MAST3: variants seen among roughly 807,000 people sequenced by gnomAD.
MAST3 encodes the protein microtubule associated serine/threonine kinase 3, also known as microtubule-associated serine/threonine-protein kinase 3.
Under a neutral mutation model 127.0 loss-of-function variants are expected in MAST3, and 43 were observed. That is an observed-to-expected ratio of 0.34 (90% CI 0.27 to 0.44). The LOEUF is 0.44. Among genes scored for constraint, MAST3 ranks in the 20% least tolerant of loss-of-function variants. The probability of loss-of-function intolerance (pLI) is 1.00; values close to 1 mark genes in which losing one functional copy is unlikely to be tolerated. For synonymous variants in MAST3, 785 were observed against 809.2 expected, an observed-to-expected ratio of 0.97 and a Z score of 0.51; for missense variants, 1,390 against 1,919.1, an observed-to-expected ratio of 0.72 and a Z score of 5.15.
Position 18,133,294 on chromosome 19 carries a change from T to G in MAST3, c.1571+1247T>G, listed in dbSNP as rs1371856528. 2.0e-5 allele frequency among the ~76,000 whole-genome samples: 3 copies of G among 152,294 alleles called. No homozygotes were observed. The East Asian group carries it at 5.8e-4, about 29-fold the overall frequency. On this transcript the variant is annotated intron_variant, in intron 15 of 27. Transcript: ENST00000687212. ...CACATTTTCTTGGTTGGCATGTACT[T>G]GTTAGGCACCAGGTGTATACAAAAT... is the stretch of plus-strand genomic sequence containing the variant.
intron 3 of MAST3, among the ~76,000 whole-genome samples, chr19:18,116,063 C>T (rs1488297546): frequency 6.6e-6 from 1 of 150,442 alleles, no homozygotes; most frequent in African/African-American, 2.5e-5. Flanking sequence ...TTTCTCTTCC[C>T]TTCTCAGCCT....
At chr19:18,122,159 C>T (rs2040063992) in intron 5 of MAST3, 1 of 982,474 alleles carries the variant, frequency 1.0e-6, no homozygotes, top group African/African-American at 1.8e-5. Flanking sequence ...GGTGGGGGGT[C>T]ATGGGGGGAT....
chr19:18,121,226 G>A (rs1351469935), intron 3 of MAST3, among the ~76,000 whole-genome samples: 1 of 151,920 alleles, frequency 6.6e-6, no homozygotes, highest in Admixed American at 6.6e-5. Flanking sequence ...CACCATCATG[G>A]CTCACGGCAG....
chr19:18,108,794 T>C (rs772091751), intron 2 of MAST3, among the ~76,000 whole-genome samples: 9 of 152,084 alleles, frequency 5.9e-5, no homozygotes, highest in Non-Finnish European at 1.0e-4. Context: ...GGTCTGGAAG[T>C]GTGTGACTGT....
At chr19:18,136,892 C>T (rs1431481769) in intron 18 of MAST3, among the ~76,000 whole-genome samples, 1 of 151,604 alleles carries the variant, frequency 6.6e-6, no homozygotes, top group East Asian at 2.0e-4. Context: ...TATCTCAGCT[C>T]ACTGCTGCAA....
intron 3 of MAST3, among the ~76,000 whole-genome samples, chr19:18,113,058 C>A (rs1489052197): frequency 1.3e-5 from 2 of 152,072 alleles, no homozygotes. Context: ...AGGGAGGGAC[C>A]CGTGTGTTGG....
intron 15 of MAST3, 136 bp downstream of exon 15, chr19:18,132,183 T>G (rs1599811635): frequency 8.4e-7 from 1 of 1,194,908 alleles, no homozygotes; most frequent in East Asian, 2.5e-5. Context: ...GTCTGAGCTC[T>G]GTTGGTACCT....
chr19:18,130,748 C>G, intron 14 of MAST3, 46 bp downstream of exon 14: 15 of 1,574,080 alleles, frequency 9.5e-6, no homozygotes, highest in Non-Finnish European at 1.3e-5. Context: ...GGGAGCTCAC[C>G]CCTCCACGCC....
At chr19:18,103,613 C>T (rs560050202) in intron 1 of MAST3, among the ~76,000 whole-genome samples, 2 of 152,244 alleles carry the variant, frequency 1.3e-5, no homozygotes, top group Admixed American at 6.5e-5. Context: ...TTATTATTCA[C>T]GTCTTGATCA....
intron 15 of MAST3, among the ~76,000 whole-genome samples, chr19:18,133,728 A>G (rs942678612): frequency 2.0e-5 from 3 of 151,742 alleles, no homozygotes; most frequent in African/African-American, 7.3e-5. Flanking sequence ...TAATTTTTGT[A>G]TTTTTAGTAG....
intron 13 of MAST3, 182 bp downstream of exon 13, chr19:18,129,133 C>T: frequency 1.6e-6 from 1 of 616,522 alleles, no homozygotes; most frequent in South Asian, 1.9e-5. Flanking sequence ...AGGTTACAGC[C>T]TCATGTGTGC....
At chr19:18,134,732 G>C (rs759799347) in intron 16 of MAST3, 21 bp downstream of exon 16, 2 of 1,612,826 alleles carry the variant, frequency 1.2e-6, no homozygotes, top group African/African-American at 1.3e-5. Context: ...AGGTGGGTGG[G>C]CAGCCCCGGG....
chr19:18,107,538 C>T (rs1309945754), intron 1 of MAST3, 49 bp from the exon 2 acceptor site: 11 of 1,601,494 alleles, frequency 6.9e-6, no homozygotes, highest in Non-Finnish European at 9.4e-6. Flanking sequence ...GCCAGGGGTT[C>T]TGAGGGCTAG....
At chr19:18,123,536 T>G in intron 7 of MAST3, 44 bp from the exon 8 acceptor site, 2 of 1,489,838 alleles carry the variant, frequency 1.3e-6, no homozygotes, top group Non-Finnish European at 1.8e-6. Flanking sequence ...TCCCCTGGGG[T>G]TGGTCTCAGG....
At chr19:18,114,153 T>C (rs1224340765) in intron 3 of MAST3, among the ~76,000 whole-genome samples, 2 of 151,420 alleles carry the variant, frequency 1.3e-5, no homozygotes, top group Non-Finnish European at 2.9e-5. Flanking sequence ...GCATTATACC[T>C]GTCCATTTCC....
chr19:18,122,240 C>T (rs1401017374), intron 5 of MAST3: 2 of 571,168 alleles, frequency 3.5e-6, no homozygotes, highest in Non-Finnish European at 4.4e-6. Context: ...TGATTGAGCA[C>T]CTGTCATGTG....
chr19:18,127,348 G>A (rs1233284495), intron 11 of MAST3, among the ~76,000 whole-genome samples: 4 of 152,012 alleles, frequency 2.6e-5, no homozygotes, highest in Non-Finnish European at 5.9e-5. Flanking sequence ...AGGAGTTTGA[G>A]ACGAGCCTGG....
rs1335413865 is a variant in MAST3 at position 18,149,816 on chromosome 19, C to A, written c.*90C>A. The A allele has an allele frequency of 3.9e-6, 6 of 1,548,682 alleles. No homozygotes were observed. The highest frequency in any genetic ancestry group is 3.8e-5 in the Admixed American group (2 of 52,044). The stretch of plus-strand genomic sequence containing the variant: ...AAGTCATGCCTGGATGGGGACTGAG[C>A]CACCAGCCTGACACCCAGAAGGCGA... On this transcript the variant is annotated 3_prime_UTR_variant, in exon 28 of 28. Transcript: ENST00000687212. The surrounding 1 kb of genome is among the most constrained non-coding windows in gnomAD (Gnocchi z 5.9).
At chr19:18,105,553 G>C in intron 1 of MAST3, among the ~76,000 whole-genome samples, 1 of 122,826 alleles carries the variant, frequency 8.1e-6, no homozygotes, top group Admixed American at 8.6e-5. Context: ...AAAAAAAAAA[G>C]TCCCAGCTAC....
Sources: gnomAD v4.1 joint callset for allele counts (sites outside exome capture counted in the v4.1 genomes callset) on GRCh38, gnomAD v4.1.1 for gene constraint, Gnocchi (gnomAD v3.1) non-coding constraint, MANE v1.5 for transcripts, NCBI Gene and HGNC (gene_info 2026-07-23, HGNC 2026-07-21) for gene names.